The following RGS9 variants were observed in gnomAD, a reference collection of about 807,000 sequenced individuals.
RGS9 encodes regulator of G protein signaling 9, also known as regulator of G-protein signalling 9.
A neutral mutation model predicts 102.0 loss-of-function variants in RGS9; 78 were observed. That is an observed-to-expected ratio of 0.76 (90% CI 0.64 to 0.92). The LOEUF (loss-of-function observed/expected upper bound fraction) is 0.92, where lower values mean the gene tolerates loss of function less well. Ranked by LOEUF, RGS9 falls within the 40% of genes least tolerant of loss-of-function variation. RGS9 has a pLI of 0.00. For synonymous variants in RGS9, 353 were observed against 318.6 expected, an observed-to-expected ratio of 1.11 and a Z score of -1.15; for missense variants, 833 against 866.1, an observed-to-expected ratio of 0.96 and a Z score of 0.48.
intron 17 of RGS9, among the ~76,000 whole-genome samples, chr17:65,221,459 AT>A (rs891679267): frequency 5.3e-5 from 8 of 152,142 alleles, no homozygotes; most frequent in Non-Finnish European, 8.8e-5. Context: ...TAGTTTTGGT[AT>A]TTTTGGATGG....
At chr17:65,149,511 C>T (rs1910498748) in intron 1 of RGS9, among the ~76,000 whole-genome samples, 1 of 152,280 alleles carries the variant, frequency 6.6e-6, no homozygotes, top group Middle Eastern at 3.4e-3. Context: ...GTTCTTAATA[C>T]ATGCTCAATA....
chr17:65,189,055 T>G, intron 9 of RGS9: 1 of 587,788 alleles, frequency 1.7e-6, no homozygotes, highest in Non-Finnish European at 3.0e-6. Context: ...GTGAGCAAAG[T>G]TACAGTGGTA....
Position 65,209,165 on chromosome 17 carries a change from C to T in RGS9, c.1289+1158C>T, listed in dbSNP as rs764870909. On this transcript the variant is annotated intron_variant, in intron 16 of 18. Coordinates refer to ENST00000262406, the MANE Select transcript of RGS9 (RefSeq NM_003835.4). The stretch of plus-strand genomic sequence containing the variant: ...AGTGAGAATTACACGTGAATGCATT[C>T]GTAAAGTGTGAAGCCTGGTCTGTGT... Among the ~76,000 whole-genome samples, 22 of 152,112 alleles carry T rather than the reference C, an allele frequency of 1.4e-4. 1 individual carries two copies. The highest frequency in any genetic ancestry group is 1.9e-4 in the Non-Finnish European group (13 of 68,034).
chr17:65,172,056 A>G (rs932882254), intron 8 of RGS9, among the ~76,000 whole-genome samples: 13 of 152,282 alleles, frequency 8.5e-5, no homozygotes, highest in African/African-American at 3.1e-4. Flanking sequence ...TCCATTTCCC[A>G]TCGAAGTTAG....
chr17:65,162,866 A>G (rs1334848760), intron 6 of RGS9, 147 bp from the exon 7 acceptor site: 8 of 654,888 alleles, frequency 1.2e-5, no homozygotes, highest in East Asian at 2.9e-5. Context: ...AGTGAACACC[A>G]TGGTAAAACC....
chr17:65,151,343 C>CA (rs770022633), intron 1 of RGS9, among the ~76,000 whole-genome samples: 1,147 of 95,908 alleles, frequency 0.012, 7 homozygotes, highest in East Asian at 0.038. Context: ...AGACCTGTCC[C>CA]AAAAAAAAAA....
At chr17:65,142,565 C>T (rs167262) in intron 1 of RGS9, among the ~76,000 whole-genome samples, 21,696 of 149,530 alleles carry the variant, frequency 0.15, 1,897 homozygotes, top group Middle Eastern at 0.31. Flanking sequence ...TGTTTTTCTC[C>T]CTTCCTTTCT....
chr17:65,221,804 G>A (rs1913714673), intron 17 of RGS9, among the ~76,000 whole-genome samples: 2 of 152,216 alleles, frequency 1.3e-5, no homozygotes, highest in Admixed American at 6.5e-5. Context: ...TCTTCCCACG[G>A]TGGAAGGGCC....
intron 14 of RGS9, among the ~76,000 whole-genome samples, chr17:65,203,917 C>T (rs1022010175): frequency 2.6e-5 from 4 of 152,204 alleles, no homozygotes; most frequent in Admixed American, 2.0e-4. Flanking sequence ...TTCTTGCTCT[C>T]TCTCCTGGAG....
rs115035725 is a variant in RGS9, at chr17:65,202,195, T to G, written c.1064+115T>G. ...AACAGCCTGGTAGCTGGCTGGGCCC[T>G]GGTCAGCATCAGTTCACTGTACTTG... On this transcript the variant is annotated intron_variant, in intron 14 of 18. Transcript: ENST00000262406. 2,214 of 734,004 alleles carry G rather than the reference T, an allele frequency of 3.0e-3. 29 individuals carry two copies. In the African/African-American group the frequency reaches 0.035, roughly 12 times the overall value. The allele number at this position is 734,004 out of a possible 1,614,324, so 45.5% of individuals were successfully genotyped here. A position where few individuals can be genotyped will look rare whatever the true frequency, so the allele number is the denominator to read the frequency against.
intron 3 of RGS9, among the ~76,000 whole-genome samples, chr17:65,158,949 G>A (rs1374397088): frequency 1.3e-5 from 2 of 152,178 alleles, no homozygotes; most frequent in Non-Finnish European, 1.5e-5. Context: ...TGGCCTGCAC[G>A]TATACATCCA....
chr17:65,216,959 G>A (rs1398037022), intron 17 of RGS9, among the ~76,000 whole-genome samples: 2 of 152,300 alleles, frequency 1.3e-5, no homozygotes, highest in Non-Finnish European at 2.9e-5. Flanking sequence ...GACAGTGGAT[G>A]GAACTTGAGG....
rs983281464 is a variant in RGS9, at chr17:65,160,746, G to A, written c.365-105G>A. The A allele has an allele frequency of 5.0e-6, 7 of 1,409,734 alleles. No individual in the cohort carries two copies. In the Admixed American group the frequency reaches 1.0e-4, roughly 21 times the overall value. The allele number at this position is 1,409,734 out of a possible 1,614,324, so 87.3% of individuals were successfully genotyped here. A position where few individuals can be genotyped will look rare whatever the true frequency, so the allele number is the denominator to read the frequency against. On this transcript the variant is annotated intron_variant, in intron 5 of 18. Coordinates refer to ENST00000262406, the MANE Select transcript of RGS9 (RefSeq NM_003835.4). ...CCAGGGGCAAGGGGCTGGGTGTGCT[G>A]AGCGTTCTCTCCCCGACTCTGAGCA...
At chr17:65,169,578 G>T (rs1055056420) in intron 8 of RGS9, among the ~76,000 whole-genome samples, 1 of 152,178 alleles carries the variant, frequency 6.6e-6, no homozygotes, top group African/African-American at 2.4e-5. Flanking sequence ...CATACCTGAG[G>T]GTAGGTAAAG....
chr17:65,211,741 C>G (rs980221524), intron 17 of RGS9, among the ~76,000 whole-genome samples: 2 of 152,242 alleles, frequency 1.3e-5, no homozygotes, highest in Admixed American at 1.3e-4. Flanking sequence ...CTCACTCATT[C>G]AGCACGTCTA....
At chr17:65,183,098 A>G (rs1911957083) in intron 9 of RGS9, among the ~76,000 whole-genome samples, 1 of 151,164 alleles carries the variant, frequency 6.6e-6, no homozygotes, top group Admixed American at 6.7e-5. Flanking sequence ...CTATCTATCT[A>G]TCTATCTATC....
intron 13 of RGS9, among the ~76,000 whole-genome samples, chr17:65,201,576 G>A (rs1372453119): frequency 7.9e-5 from 12 of 152,202 alleles, no homozygotes; most frequent in Admixed American, 5.9e-4. Context: ...GTGCGAGCTC[G>A]TTCAAGCAAT....
At chr17:65,150,861 G>A (rs1465413753) in intron 1 of RGS9, among the ~76,000 whole-genome samples, 2 of 152,204 alleles carry the variant, frequency 1.3e-5, no homozygotes, top group Non-Finnish European at 2.9e-5. Context: ...CCATTGGCAA[G>A]CACATCTGGG....
At chr17:65,160,132 G>T in intron 3 of RGS9, 101 bp from the exon 4 acceptor site, 1 of 889,326 alleles carries the variant, frequency 1.1e-6, no homozygotes, top group Non-Finnish European at 1.9e-6. Context: ...GTGCTGTTAG[G>T]AAGGGGCACC....
Sources: allele counts gnomAD v4.1 joint callset (sites outside exome capture counted in the v4.1 genomes callset), GRCh38; gene constraint gnomAD v4.1.1; transcripts MANE v1.5; gene names NCBI Gene and HGNC (gene_info 2026-07-23, HGNC 2026-07-21).